The following GLIS3 variants were observed in gnomAD, a reference collection of about 807,000 sequenced individuals.
GLIS3 encodes the protein zinc finger protein GLIS3.
A neutral mutation model predicts 78.6 loss-of-function variants in GLIS3; 53 were observed. The ratio of observed to expected loss-of-function variants is 0.67; its 90% CI spans 0.54 to 0.85. The LOEUF is 0.85. Among genes scored for constraint, GLIS3 ranks in the 40% least tolerant of loss-of-function variants. The pLI is 0.00. For missense variants in GLIS3, 1,703 were observed against 1,231.1 expected (o/e 1.38, Z -5.74); for synonymous variants, 684 against 509.9 (o/e 1.34, Z -4.60).
At chr9:4,027,740 C>T (rs1238097500) in intron 4 of GLIS3, among the ~76,000 whole-genome samples, 1 of 152,196 alleles carries the variant, frequency 6.6e-6, no homozygotes, top group Non-Finnish European at 1.5e-5. Context: ...TTCTATCCAG[C>T]CTCCTAACCA....
At chr9:4,254,657 T>C (rs1824736547) in intron 2 of GLIS3, among the ~76,000 whole-genome samples, 2 of 151,698 alleles carry the variant, frequency 1.3e-5, no homozygotes, top group South Asian at 4.2e-4. Context: ...CTGGCCAACA[T>C]GGTGAAACCC....
chr9:4,105,900 C>T (rs1366299139), intron 4 of GLIS3, among the ~76,000 whole-genome samples: 1 of 152,086 alleles, frequency 6.6e-6, no homozygotes, highest in Non-Finnish European at 1.5e-5. Flanking sequence ...AGTTAGAGTC[C>T]TCACCAGCAG....
chr9:4,217,641 C>T (rs542426926), intron 2 of GLIS3, among the ~76,000 whole-genome samples: 10 of 152,290 alleles, frequency 6.6e-5, no homozygotes, highest in African/African-American at 2.4e-4. Context: ...TTTTAGAGTG[C>T]TGAACTCTGA....
intron 4 of GLIS3, among the ~76,000 whole-genome samples, chr9:4,003,815 C>A (rs1821318172): frequency 6.6e-6 from 1 of 152,228 alleles, no homozygotes; most frequent in African/African-American, 2.4e-5. Flanking sequence ...GACGCTTACT[C>A]TTGCAACTTT....
chr9:4,172,009 C>G (rs576116063), intron 2 of GLIS3, among the ~76,000 whole-genome samples: 1 of 151,842 alleles, frequency 6.6e-6, no homozygotes, highest in African/African-American at 2.4e-5. Context: ...TTTTTTAATT[C>G]CAACAATTAA....
At chr9:4,133,140 A>C (rs1241629933) in intron 2 of GLIS3, among the ~76,000 whole-genome samples, 1 of 152,234 alleles carries the variant, frequency 6.6e-6, no homozygotes, top group Non-Finnish European at 1.5e-5. Flanking sequence ...AACCATCTCT[A>C]TATATAAACT....
intron 2 of GLIS3, among the ~76,000 whole-genome samples, chr9:4,212,662 T>C (rs1820477352): frequency 6.6e-6 from 1 of 152,106 alleles, no homozygotes; most frequent in African/African-American, 2.4e-5. Context: ...GAAACAAGGA[T>C]GAGGCCAAAG....
chr9:4,356,139 A>G, the GLIS3 span, among the ~76,000 whole-genome samples: 1 of 152,134 alleles, frequency 6.6e-6, no homozygotes, highest in Non-Finnish European at 1.5e-5. Context: ...CCTTGTAATG[A>G]TGGGTTATAA....
the GLIS3 span, among the ~76,000 whole-genome samples, chr9:4,425,162 A>C: frequency 1.3e-5 from 2 of 152,138 alleles, no homozygotes; most frequent in Admixed American, 1.3e-4. Context: ...AGTTGCCAAA[A>C]CAGCCCTTAT....
intron 2 of GLIS3, among the ~76,000 whole-genome samples, chr9:4,263,770 A>G (rs1437128774): frequency 6.7e-6 from 1 of 149,828 alleles, no homozygotes; most frequent in Non-Finnish European, 1.5e-5. Flanking sequence ...CTAGTTGATC[A>G]CTCCTTCCTT....
chr9:4,315,433 T>C (rs1817422434), intron 2 of GLIS3, among the ~76,000 whole-genome samples: 1 of 152,216 alleles, frequency 6.6e-6, no homozygotes, highest in Non-Finnish European at 1.5e-5. Flanking sequence ...ATTTTCTGTA[T>C]GCTCTCCATT....
chr9:3,867,989 C>A (rs1455217382), intron 8 of GLIS3, among the ~76,000 whole-genome samples: 1 of 152,104 alleles, frequency 6.6e-6, no homozygotes, highest in Non-Finnish European at 1.5e-5. Context: ...CCAGAGGGGA[C>A]ACTACCAGAG....
At chr9:4,031,239 C>A (rs1263117237) in intron 4 of GLIS3, among the ~76,000 whole-genome samples, 1 of 152,086 alleles carries the variant, frequency 6.6e-6, no homozygotes, top group African/African-American at 2.4e-5. Flanking sequence ...CCCAAATTTC[C>A]ATCAACAGAT....
At chr9:4,379,943 C>G in the GLIS3 span, among the ~76,000 whole-genome samples, 1 of 148,538 alleles carries the variant, frequency 6.7e-6, no homozygotes, top group African/African-American at 2.5e-5. Flanking sequence ...GGAGGTCTGT[C>G]TTAGAGGCAG....
intron 2 of GLIS3, among the ~76,000 whole-genome samples, chr9:4,225,229 A>G (rs1441987381): frequency 6.6e-6 from 1 of 152,092 alleles, no homozygotes; most frequent in South Asian, 2.1e-4. Context: ...CAACTGCAAA[A>G]GGTTGACTCT....
chr9:3,923,092 G>C (rs940913855), intron 6 of GLIS3, among the ~76,000 whole-genome samples: 3 of 152,220 alleles, frequency 2.0e-5, no homozygotes, highest in Non-Finnish European at 1.5e-5. Flanking sequence ...GCTGGGTGTA[G>C]TCATAGTTGG....
intron 2 of GLIS3, among the ~76,000 whole-genome samples, chr9:4,313,049 A>C (rs759191709): frequency 3.7e-4 from 57 of 152,316 alleles, no homozygotes; most frequent in Non-Finnish European, 7.1e-4. Context: ...TCCTTTTAGC[A>C]CTATGCTATG....
chr9:4,358,166 G>C, the GLIS3 span, among the ~76,000 whole-genome samples: 1 of 152,024 alleles, frequency 6.6e-6, no homozygotes, highest in Non-Finnish European at 1.5e-5. Context: ...GTGTATATAT[G>C]CAAAGAAAAT....
At chr9:4,227,134 T>A (rs1821840330) in intron 2 of GLIS3, among the ~76,000 whole-genome samples, 1 of 152,122 alleles carries the variant, frequency 6.6e-6, no homozygotes, top group African/African-American at 2.4e-5. Context: ...AAGGAGGCAC[T>A]GGAGCCTCAG....
Sources: allele counts gnomAD v4.1 joint callset (sites outside exome capture counted in the v4.1 genomes callset), GRCh38; gene constraint gnomAD v4.1.1; transcripts MANE v1.5; gene names NCBI Gene and HGNC (gene_info 2026-07-23, HGNC 2026-07-21).